ASTN1: variants seen among roughly 807,000 people sequenced by gnomAD.
ASTN1 encodes the protein astrotactin 1.
A neutral mutation model predicts 140.7 loss-of-function variants in ASTN1; 41 were observed. The observed-to-expected ratio is 0.29, with a 90% CI of 0.23 to 0.38. ASTN1 has a LOEUF of 0.38. ASTN1 is among the 10% of genes least tolerant of loss of function. The probability of loss-of-function intolerance (pLI) is 1.00; values close to 1 mark genes in which losing one functional copy is unlikely to be tolerated. For synonymous variants in ASTN1, 640 were observed against 652.2 expected (o/e 0.98, Z 0.29); for missense variants, 1,479 against 1,678.8 (o/e 0.88, Z 2.08).
chr1:176,922,551 C>T (rs1368150290), intron 16 of ASTN1, among the ~76,000 whole-genome samples: 2 of 91,088 alleles, frequency 2.2e-5, no homozygotes, highest in Admixed American at 9.9e-5. Flanking sequence ...CTCCAGCCCC[C>T]ACTGCAAAAA....
intron 1 of ASTN1, among the ~76,000 whole-genome samples, chr1:177,081,880 G>A (rs1372807832): frequency 6.6e-6 from 1 of 152,192 alleles, no homozygotes; most frequent in Non-Finnish European, 1.5e-5. Context: ...TTGGAAAGAA[G>A]AATGGAAAAC....
intron 18 of ASTN1, among the ~76,000 whole-genome samples, chr1:176,886,549 C>T (rs894119235): frequency 1.3e-5 from 2 of 152,166 alleles, no homozygotes; most frequent in South Asian, 4.1e-4. Flanking sequence ...GAACAGGAAG[C>T]CAAAGGCTAG....
chr1:176,952,963 A>G (rs1251242190), intron 11 of ASTN1, among the ~76,000 whole-genome samples: 3 of 152,218 alleles, frequency 2.0e-5, no homozygotes, highest in African/African-American at 7.2e-5. Flanking sequence ...TTATGGCAAC[A>G]GCCCTCCCCT....
At chr1:177,123,460 T>G (rs1681495316) in intron 1 of ASTN1, among the ~76,000 whole-genome samples, 1 of 152,194 alleles carries the variant, frequency 6.6e-6, no homozygotes, top group Non-Finnish European at 1.5e-5. Flanking sequence ...CATCTGTTCC[T>G]CAGCAAAATG....
chr1:177,123,117 G>A (rs1681480696), intron 1 of ASTN1, among the ~76,000 whole-genome samples: 1 of 152,080 alleles, frequency 6.6e-6, no homozygotes. Context: ...TGCTAGTCAG[G>A]GGTGCAGAAA....
intron 2 of ASTN1, among the ~76,000 whole-genome samples, chr1:177,051,630 T>A (rs1441283870): frequency 6.6e-6 from 1 of 152,134 alleles, no homozygotes; most frequent in African/African-American, 2.4e-5. Flanking sequence ...CCAAGGCCCA[T>A]GGGTATGAGT....
At chr1:176,954,600 C>T (rs1170909765) in intron 11 of ASTN1, among the ~76,000 whole-genome samples, 1 of 152,314 alleles carries the variant, frequency 6.6e-6, no homozygotes, top group East Asian at 1.9e-4. Context: ...ATTATAAGTA[C>T]TCTTGAAAGA....
intron 20 of ASTN1, among the ~76,000 whole-genome samples, chr1:176,880,430 T>A (rs1308956001): frequency 6.6e-6 from 1 of 152,078 alleles, no homozygotes; most frequent in Non-Finnish European, 1.5e-5. Flanking sequence ...AGAGAGCAGC[T>A]CTCCTGTGAG....
chr1:177,068,486 G>C (rs1432173314), intron 1 of ASTN1, among the ~76,000 whole-genome samples: 3 of 152,168 alleles, frequency 2.0e-5, no homozygotes, highest in Non-Finnish European at 1.5e-5. Context: ...AAAAACAACA[G>C]AGCCTCATAG....
chr1:177,023,812 C>T (rs922419642), intron 6 of ASTN1, among the ~76,000 whole-genome samples: 1 of 152,184 alleles, frequency 6.6e-6, no homozygotes, highest in Non-Finnish European at 1.5e-5. Context: ...TGCTGCCTTG[C>T]TCCATTCCGT....
chr1:177,092,441 T>C (rs1679803589), intron 1 of ASTN1, among the ~76,000 whole-genome samples: 1 of 152,230 alleles, frequency 6.6e-6, no homozygotes, highest in African/African-American at 2.4e-5. Flanking sequence ...TTTTCTCCCA[T>C]ACTGTGGGTT....
At chr1:177,089,688 C>G (rs2102098836) in intron 1 of ASTN1, among the ~76,000 whole-genome samples, 1 of 152,180 alleles carries the variant, frequency 6.6e-6, no homozygotes, top group African/African-American at 2.4e-5. Flanking sequence ...TGCCCCAGCC[C>G]CTAGCCTGCC....
intron 1 of ASTN1, among the ~76,000 whole-genome samples, chr1:177,096,489 G>A (rs1185509631): frequency 6.6e-6 from 1 of 152,074 alleles, no homozygotes; most frequent in East Asian, 1.9e-4. Flanking sequence ...ACTCAAGAAT[G>A]GATTAATGTT....
At chr1:176,999,851 A>C (rs1365114124) in intron 8 of ASTN1, among the ~76,000 whole-genome samples, 1 of 152,112 alleles carries the variant, frequency 6.6e-6, no homozygotes, top group African/African-American at 2.4e-5. Context: ...CTCTCCTGCC[A>C]CTGTAAAGAG....
In ASTN1 at chr1:176,862,691, G is replaced by T. The variant is rs1451729894; in HGVS notation, c.*1593C>A. On this transcript the variant is annotated 3_prime_UTR_variant, in exon 23 of 23. Transcript: ENST00000361833. ...AAGTTGTATAACCTCTCTTTGCCTCGTTTTCCTCAACACTAAAATGGAGAC... is the reference window on the plus strand; with the variant it reads ...AAGTTGTATAACCTCTCTTTGCCTCTTTTTCCTCAACACTAAAATGGAGAC... 1.1e-6 allele frequency: 1 copy of T among 904,914 alleles called. No individual in the cohort carries two copies. Among genetic ancestry groups the T allele is most frequent in the African/African-American group, 1.8e-5 (1 of 55,542 alleles). The allele number at this position is 904,914 out of a possible 1,614,324, so 56.1% of individuals were successfully genotyped here. A position where few individuals can be genotyped will look rare whatever the true frequency, so the allele number is the denominator to read the frequency against.
At chr1:176,981,023 C>A (rs1673587733) in intron 8 of ASTN1, among the ~76,000 whole-genome samples, 1 of 151,554 alleles carries the variant, frequency 6.6e-6, no homozygotes, top group African/African-American at 2.4e-5. Flanking sequence ...ACCAGCCTGG[C>A]CAACATGGTG....
At chr1:177,149,243 T>G (rs1420226086) in intron 1 of ASTN1, among the ~76,000 whole-genome samples, 6 of 96,166 alleles carry the variant, frequency 6.2e-5, no homozygotes, top group African/African-American at 9.6e-5. Context: ...AATATATATA[T>G]ACTATATATA....
At chr1:177,014,699 C>A in intron 8 of ASTN1, 92 bp downstream of exon 8, 1 of 1,209,452 alleles carries the variant, frequency 8.3e-7, no homozygotes, top group Non-Finnish European at 1.2e-6. Context: ...CACCCTTTAG[C>A]TCTATTCCTC....
At chr1:177,000,830 C>T (rs1302083414) in intron 8 of ASTN1, among the ~76,000 whole-genome samples, 1 of 152,202 alleles carries the variant, frequency 6.6e-6, no homozygotes, top group Non-Finnish European at 1.5e-5. Context: ...AGTGTTCAAA[C>T]AGTGGTTGGG....
Sources: gnomAD v4.1 joint callset for allele counts (sites outside exome capture counted in the v4.1 genomes callset) on GRCh38, gnomAD v4.1.1 for gene constraint, MANE v1.5 for transcripts, NCBI Gene and HGNC (gene_info 2026-07-23, HGNC 2026-07-21) for gene names.